Variants in DPP6 observed in about 807,000 individuals in gnomAD.
DPP6 encodes the protein A-type potassium channel modulatory protein DPP6.
Under a neutral mutation model 122.6 loss-of-function variants are expected in DPP6, and 69 were observed. The ratio of observed to expected loss-of-function variants is 0.56; its 90% CI spans 0.46 to 0.69. The LOEUF is 0.69. Ranked by LOEUF, DPP6 falls within the 30% of genes least tolerant of loss-of-function variation. The pLI is 0.00. For synonymous variants in DPP6, 418 were observed against 433.1 expected, an observed-to-expected ratio of 0.97 and a Z score of 0.43; for missense variants, 928 against 1,116.9, an observed-to-expected ratio of 0.83 and a Z score of 2.41.
chr7:153,997,030 C>CCTCTCTCT (rs139415383), intron 1 of DPP6, among the ~76,000 whole-genome samples: 1 of 148,246 alleles, frequency 6.7e-6, no homozygotes, highest in Non-Finnish European at 1.5e-5. Flanking sequence ...AATCTTTATG[C>CCTCTCTCT]CTCTCTCTCT....
At chr7:154,111,316 C>T (rs1473332730) in intron 1 of DPP6, among the ~76,000 whole-genome samples, 1 of 152,174 alleles carries the variant, frequency 6.6e-6, no homozygotes, top group African/African-American at 2.4e-5. Flanking sequence ...CCCGGCTTGA[C>T]CACTTAGCTC....
At chr7:154,439,574 A>C (rs867962998) in intron 1 of DPP6, among the ~76,000 whole-genome samples, 2 of 152,256 alleles carry the variant, frequency 1.3e-5, no homozygotes, top group African/African-American at 4.8e-5. Context: ...TATCAGACCC[A>C]GTCAATTAAA....
chr7:154,668,385 T>G lies in DPP6; in HGVS notation c.681-975T>G, dbSNP rs1360410777. 2.7e-5 allele frequency among the ~76,000 whole-genome samples: 4 copies of G among 150,756 alleles called. No homozygotes were observed. In the East Asian group the frequency reaches 7.9e-4, roughly 30 times the overall value. On this transcript the variant is annotated intron_variant, in intron 6 of 25. Coordinates refer to ENST00000377770, the MANE Select transcript of DPP6 (RefSeq NM_130797.4). ...ACAGGCACCCGCCACCGCGCCCGACTAATTTTTTATATTTTTAGTAGGGAT... is the reference window on the plus strand; with the variant it reads ...ACAGGCACCCGCCACCGCGCCCGACGAATTTTTTATATTTTTAGTAGGGAT...
upstream of DPP6, among the ~76,000 whole-genome samples, chr7:153,883,605 C>T (rs1289495432): frequency 6.6e-6 from 1 of 152,186 alleles, no homozygotes; most frequent in African/African-American, 2.4e-5. Context: ...GTCTTGAACT[C>T]CTGACCTCAG....
At chr7:154,566,989 G>T (rs1743764960) in intron 5 of DPP6, 73 bp downstream of exon 5, 2 of 1,107,674 alleles carry the variant, frequency 1.8e-6, no homozygotes, top group South Asian at 1.4e-5. Flanking sequence ...ATATTTCCTT[G>T]ACTCTTCTAT....
At chr7:154,685,756 G>A (rs1021831405) in intron 7 of DPP6, among the ~76,000 whole-genome samples, 9 of 152,318 alleles carry the variant, frequency 5.9e-5, no homozygotes, top group South Asian at 4.1e-4. Flanking sequence ...GCTTGGCCAC[G>A]TTGTAGTTTA....
At chr7:154,380,688 CT>C (rs1187281233) in intron 1 of DPP6, among the ~76,000 whole-genome samples, 1 of 152,134 alleles carries the variant, frequency 6.6e-6, no homozygotes, top group African/African-American at 2.4e-5. Context: ...ACACATTCCC[CT>C]GGTACCTTTT....
intron 1 of DPP6, among the ~76,000 whole-genome samples, chr7:154,063,907 C>G (rs1585295553): frequency 6.6e-6 from 1 of 151,606 alleles, no homozygotes. Flanking sequence ...AGCTGATACT[C>G]CTGAGTCTCG....
chr7:154,587,948 G>A (rs1832571148), intron 5 of DPP6: 2 of 1,612,802 alleles, frequency 1.2e-6, no homozygotes, highest in South Asian at 2.2e-5. Flanking sequence ...AGGCTTCGCA[G>A]CCATGCACCT....
At chr7:154,786,158 A>C (rs1797322034) in intron 10 of DPP6, among the ~76,000 whole-genome samples, 1 of 152,242 alleles carries the variant, frequency 6.6e-6, no homozygotes, top group South Asian at 2.1e-4. Context: ...ATTTACTAAG[A>C]AAGGAGTGCA....
intron 1 of DPP6, among the ~76,000 whole-genome samples, chr7:154,331,610 C>T (rs527833975): frequency 6.6e-6 from 1 of 152,248 alleles, no homozygotes; most frequent in African/African-American, 2.4e-5. Context: ...GGAAGGTATC[C>T]ACGAGGGAAT....
chr7:154,776,006 A>C (rs1308703776), intron 10 of DPP6, among the ~76,000 whole-genome samples: 182 of 130,736 alleles, frequency 1.4e-3, no homozygotes, highest in African/African-American at 1.7e-3. Flanking sequence ...GCCGTTCCCC[A>C]CTCCTCCCTG....
At chr7:154,832,181 G>A (rs976988955) in intron 16 of DPP6, among the ~76,000 whole-genome samples, 2 of 152,262 alleles carry the variant, frequency 1.3e-5, no homozygotes, top group Non-Finnish European at 2.9e-5. Context: ...CGTATGCCAG[G>A]CAACGAACTG....
rs140302510 is a variant in DPP6, at chr7:153,959,370, A to G, written c.51+71636A>G. On this transcript the variant is annotated intron_variant, in intron 1 of 25. Coordinates refer to the DPP6 transcript ENST00000404039. ...TGTAGAATCCCTCTAGGGTCCACCT[A>G]TTTTGGAGGGACTCAAACTAGGAGT... 4.5e-3 allele frequency among the ~76,000 whole-genome samples: 689 copies of G among 152,202 alleles called. 4 individuals carry two copies. Among genetic ancestry groups the G allele is most frequent in the African/African-American group, 0.016 (658 of 41,526 alleles).
intron 8 of DPP6, among the ~76,000 whole-genome samples, chr7:154,741,460 C>T (rs796732066): frequency 6.6e-6 from 1 of 152,208 alleles, no homozygotes; most frequent in South Asian, 2.1e-4. Flanking sequence ...TCAGAAACAC[C>T]CAAAGAAGAG....
chr7:154,282,051 A>G lies in DPP6; in HGVS notation c.244-164163A>G, dbSNP rs763486950. On this transcript the variant is annotated intron_variant, in intron 1 of 25. Transcript: ENST00000377770. The surrounding 1 kb of genome is among the most constrained non-coding windows in gnomAD (Gnocchi z 4.8). Reference sequence around the variant, plus strand: ...ACACCTCTGTTTCCTCCCCTGTCCAATGGGGAGATTGACCTCACCTGAGAG... The same window carrying G: ...ACACCTCTGTTTCCTCCCCTGTCCAGTGGGGAGATTGACCTCACCTGAGAG... Among the ~76,000 whole-genome samples, 3 of 152,148 alleles carry G rather than the reference A, an allele frequency of 2.0e-5. No homozygotes were observed. Among genetic ancestry groups the G allele is most frequent in the African/African-American group, 7.2e-5 (3 of 41,436 alleles).
chr7:154,007,922 G>A (rs2533540), intron 1 of DPP6, among the ~76,000 whole-genome samples: 2,231 of 148,564 alleles, frequency 0.015, 56 homozygotes, highest in African/African-American at 0.047. Flanking sequence ...ACTTTAGCCC[G>A]TATTCCGTTG....
intron 1 of DPP6, among the ~76,000 whole-genome samples, chr7:154,428,092 A>G (rs1818059508): frequency 6.6e-6 from 1 of 152,216 alleles, no homozygotes; most frequent in Non-Finnish European, 1.5e-5. Context: ...TCTGAATAAG[A>G]AAACAGTGAT....
chr7:154,104,945 T>C (rs1182857932), intron 1 of DPP6, among the ~76,000 whole-genome samples: 1 of 151,238 alleles, frequency 6.6e-6, no homozygotes, highest in Non-Finnish European at 1.5e-5. Flanking sequence ...GTGTGTGTGC[T>C]TACATAACAA....
Sources: allele counts gnomAD v4.1 joint callset (sites outside exome capture counted in the v4.1 genomes callset), GRCh38; gene constraint gnomAD v4.1.1; non-coding constraint Gnocchi (gnomAD v3.1); transcripts MANE v1.5; gene names NCBI Gene and HGNC (gene_info 2026-07-23, HGNC 2026-07-21).